Variants in DSCAM observed in about 807,000 individuals in gnomAD.
DSCAM encodes cell adhesion molecule DSCAM.
In DSCAM, 47 loss-of-function variants were observed where a neutral mutation model predicts 217.7. The observed-to-expected ratio is 0.22, with a 90% CI of 0.17 to 0.28. The LOEUF (loss-of-function observed/expected upper bound fraction) is 0.28. DSCAM is among the 10% of genes least tolerant of loss of function. DSCAM has a pLI of 1.00. For synonymous variants in DSCAM, 1,056 were observed against 1,015.3 expected (o/e 1.04, Z -0.76); for missense variants, 2,080 against 2,618.3 (o/e 0.79, Z 4.49).
At chr21:40,537,552 A>C (rs1468714531) in intron 3 of DSCAM, among the ~76,000 whole-genome samples, 1 of 152,004 alleles carries the variant, frequency 6.6e-6, no homozygotes, top group Non-Finnish European at 1.5e-5. Flanking sequence ...CCTTATTTGG[A>C]AATAGGGTTG....
intron 11 of DSCAM, among the ~76,000 whole-genome samples, chr21:40,266,635 T>TTATATA (rs71186923): frequency 0.1 from 6,451 of 62,024 alleles, 437 homozygotes; most frequent in Non-Finnish European, 0.12. Flanking sequence ...CAAAGATGTT[T>TTATATA]TATATATATA....
chr21:40,414,546 T>C (rs2075352941), intron 3 of DSCAM, among the ~76,000 whole-genome samples: 1 of 152,256 alleles, frequency 6.6e-6, no homozygotes. Flanking sequence ...TAATTTACAC[T>C]TTTTCCATGA....
rs574461748 is a variant in DSCAM at position 40,288,753 on chromosome 21, G to T, written c.2182+7302C>A. Among the ~76,000 whole-genome samples the T allele has an allele frequency of 1.7e-4, 26 of 152,290 alleles. No individual in the cohort carries two copies. The South Asian group carries it at 5.4e-3, about 32-fold the overall frequency. On this transcript the variant is annotated intron_variant, in intron 10 of 32. Transcript: ENST00000400454. Reference sequence around the variant, plus strand: ...ATATTAATAATAGCTAATACATACTGACTAATGGCTATGTGCCAGAAGCCA... The same window carrying T: ...ATATTAATAATAGCTAATACATACTTACTAATGGCTATGTGCCAGAAGCCA...
At chr21:40,546,986 A>C (rs1258518891) in intron 3 of DSCAM, among the ~76,000 whole-genome samples, 1 of 152,102 alleles carries the variant, frequency 6.6e-6, no homozygotes, top group Non-Finnish European at 1.5e-5. Flanking sequence ...GGGGCTGAGA[A>C]GCATTTCTTC....
chr21:40,665,394 C>A (rs2090188347), intron 3 of DSCAM, among the ~76,000 whole-genome samples: 1 of 152,202 alleles, frequency 6.6e-6, no homozygotes, highest in South Asian at 2.1e-4. Context: ...GGACTCTGAG[C>A]AGGCTGTTGT....
chr21:40,779,233 A>C (rs1202587196), intron 1 of DSCAM, among the ~76,000 whole-genome samples: 4 of 152,080 alleles, frequency 2.6e-5, no homozygotes, highest in Non-Finnish European at 4.4e-5. Flanking sequence ...TGAAGTATGA[A>C]AGAAGGAGAG....
At chr21:40,445,297 G>A (rs989424379) in intron 3 of DSCAM, among the ~76,000 whole-genome samples, 1 of 152,130 alleles carries the variant, frequency 6.6e-6, no homozygotes, top group South Asian at 2.1e-4. Context: ...AGCTTTAATT[G>A]CGTGCTGGCC....
intron 3 of DSCAM, among the ~76,000 whole-genome samples, chr21:40,600,358 C>A: frequency 6.6e-6 from 1 of 152,130 alleles, no homozygotes; most frequent in East Asian, 1.9e-4. Flanking sequence ...ATTCTTGCTA[C>A]GTCCTCACAT....
chr21:40,203,131 A>C (rs1277850557), intron 11 of DSCAM, among the ~76,000 whole-genome samples: 1 of 152,188 alleles, frequency 6.6e-6, no homozygotes, highest in Non-Finnish European at 1.5e-5. Flanking sequence ...CGGAGCCAGA[A>C]TTTTAAACCA....
intron 14 of DSCAM, among the ~76,000 whole-genome samples, chr21:40,181,397 C>G (rs549576190): frequency 3.9e-5 from 6 of 152,198 alleles, no homozygotes; most frequent in Non-Finnish European, 7.4e-5. Flanking sequence ...TGCCCAGAAA[C>G]CTGTGCTTTT....
intron 3 of DSCAM, among the ~76,000 whole-genome samples, chr21:40,402,898 T>C (rs745436213): frequency 6.6e-6 from 1 of 152,170 alleles, no homozygotes; most frequent in Non-Finnish European, 1.5e-5. Flanking sequence ...TATTTCTTTG[T>C]ATTACTTAAG....
chr21:40,187,010 G>C lies in DSCAM; in HGVS notation c.2779+121C>G, dbSNP rs57202091. The C allele has an allele frequency of 1.1e-4, 133 of 1,236,608 alleles. 2 individuals are homozygous for C. In the South Asian group the frequency reaches 2.0e-3, roughly 18 times the overall value. The allele number at this position is 1,236,608 out of a possible 1,614,324, so 76.6% of individuals were successfully genotyped here. On this transcript the variant is annotated intron_variant, in intron 14 of 32. Coordinates refer to ENST00000400454, the MANE Select transcript of DSCAM (RefSeq NM_001389.5). ...GCTTCCAGCAAGGAGACTGGGGGAAGTGGTGCCCTCTGAGCTCCTGTGAGC... is the reference window on the plus strand; with the variant it reads ...GCTTCCAGCAAGGAGACTGGGGGAACTGGTGCCCTCTGAGCTCCTGTGAGC...
intron 3 of DSCAM, among the ~76,000 whole-genome samples, chr21:40,675,754 C>T (rs1314235010): frequency 6.6e-6 from 1 of 152,206 alleles, no homozygotes; most frequent in Non-Finnish European, 1.5e-5. Flanking sequence ...TGAACCTTCA[C>T]AGAGGTTCTG....
chr21:40,610,307 C>T (rs1421127819), intron 3 of DSCAM, among the ~76,000 whole-genome samples: 2 of 152,180 alleles, frequency 1.3e-5, no homozygotes, highest in Non-Finnish European at 2.9e-5. Context: ...TGCACCCAGC[C>T]GTTGTGGACC....
At chr21:40,434,569 T>C (rs2075566066) in intron 3 of DSCAM, among the ~76,000 whole-genome samples, 1 of 152,102 alleles carries the variant, frequency 6.6e-6, no homozygotes, top group African/African-American at 2.4e-5. Flanking sequence ...CTCATAATGG[T>C]GCATTATGCT....
At chr21:40,794,659 A>G (rs1255937740) in intron 1 of DSCAM, among the ~76,000 whole-genome samples, 1 of 151,378 alleles carries the variant, frequency 6.6e-6, no homozygotes, top group Admixed American at 6.6e-5. Flanking sequence ...ACACAATAAG[A>G]TTGATAGGCC....
At chr21:40,074,936 G>C (rs1245379726) in intron 27 of DSCAM, 101 bp downstream of exon 27, 4 of 1,268,272 alleles carry the variant, frequency 3.2e-6, no homozygotes, top group Non-Finnish European at 3.2e-6. Flanking sequence ...AAAGAGGGAA[G>C]AGTCACTCCC....
At chr21:40,511,144 T>C (rs972574505) in intron 3 of DSCAM, among the ~76,000 whole-genome samples, 1 of 152,228 alleles carries the variant, frequency 6.6e-6, no homozygotes, top group African/African-American at 2.4e-5. Flanking sequence ...TTAATTCTCT[T>C]CATGGTATGT....
intron 1 of DSCAM, among the ~76,000 whole-genome samples, chr21:40,746,017 G>T (rs2091170657): frequency 6.6e-6 from 1 of 151,638 alleles, no homozygotes; most frequent in Admixed American, 6.6e-5. Flanking sequence ...ATGATTTTAA[G>T]CATCATGGTA....
Sources: gnomAD v4.1 joint callset for allele counts (sites outside exome capture counted in the v4.1 genomes callset) on GRCh38, gnomAD v4.1.1 for gene constraint, MANE v1.5 for transcripts, NCBI Gene and HGNC (gene_info 2026-07-23, HGNC 2026-07-21) for gene names.